Variants in LAMA2 observed in about 807,000 individuals in gnomAD.
LAMA2 encodes the protein laminin subunit alpha 2.
In LAMA2, 269 loss-of-function variants were observed where a neutral mutation model predicts 364.8. The ratio of observed to expected loss-of-function variants is 0.74; its 90% CI spans 0.67 to 0.82. LAMA2 has a LOEUF of 0.82. Ranked by LOEUF, LAMA2 falls within the 40% of genes least tolerant of loss-of-function variation. The probability of loss-of-function intolerance (pLI) is 0.00; values close to 1 mark genes in which losing one functional copy is unlikely to be tolerated. For synonymous variants in LAMA2, 1,379 were observed against 1,370.6 expected (o/e 1.01, Z -0.14); for missense variants, 3,807 against 3,873.2 (o/e 0.98, Z 0.45).
At chr6:129,055,769 A>G (rs1639435156) in intron 2 of LAMA2, among the ~76,000 whole-genome samples, 2 of 152,230 alleles carry the variant, frequency 1.3e-5, no homozygotes, top group African/African-American at 2.4e-5. Flanking sequence ...AAAAGCTAGC[A>G]GTTTGAAAGG....
chr6:129,208,571 A>G (rs1353094712), intron 12 of LAMA2, among the ~76,000 whole-genome samples: 5 of 151,332 alleles, frequency 3.3e-5, no homozygotes. Flanking sequence ...AAAGAGAAAG[A>G]AAGAGAAAGA....
intron 12 of LAMA2, among the ~76,000 whole-genome samples, chr6:129,241,097 A>G (rs147797010): frequency 6.6e-6 from 1 of 152,232 alleles, no homozygotes; most frequent in Admixed American, 6.5e-5. Context: ...CAATAAAGAC[A>G]TATTTTAATG....
chr6:129,366,194 A>G (rs1483272446), intron 32 of LAMA2, 25 bp from the exon 33 acceptor site: 1 of 1,611,526 alleles, frequency 6.2e-7, no homozygotes, highest in Non-Finnish European at 8.5e-7. Flanking sequence ...AGAAGTAACT[A>G]CTCTTTGTCA....
chr6:128,923,068 A>G (rs1270540047), intron 1 of LAMA2, among the ~76,000 whole-genome samples: 1 of 146,856 alleles, frequency 6.8e-6, no homozygotes, highest in African/African-American at 2.5e-5. Flanking sequence ...ATTGATCTAT[A>G]TCTCTGTTTT....
chr6:128,961,318 G>GATATATATATATATAT lies in LAMA2; in HGVS notation c.112+77996_112+78011dup, dbSNP rs58772123. On this transcript the variant is annotated intron_variant, in intron 1 of 64. Transcript: ENST00000421865. ...TTCTGTAGAGGGACAGAACTAATATGATATATATATATATATATATATATA... is the reference window on the plus strand; with the variant it reads ...TTCTGTAGAGGGACAGAACTAATATGATATATATATATATATATATATATATATATATATATATATA... Among the ~76,000 whole-genome samples the GATATATATATATATAT allele has an allele frequency of 2.2e-4, 13 of 57,804 alleles. 2 individuals are homozygous for GATATATATATATATAT. The highest frequency in any genetic ancestry group is 3.3e-4 in the Non-Finnish European group (9 of 26,970). The allele number at this position is 57,804 out of a possible 152,430, so 37.9% of individuals were successfully genotyped here.
chr6:128,909,449 G>A (rs1777738261), intron 1 of LAMA2, among the ~76,000 whole-genome samples: 1 of 151,052 alleles, frequency 6.6e-6, no homozygotes, highest in South Asian at 2.1e-4. Context: ...TCAGAGACTA[G>A]GATTGCAACC....
intron 12 of LAMA2, among the ~76,000 whole-genome samples, chr6:129,196,962 G>A (rs1219219174): frequency 6.6e-6 from 1 of 152,096 alleles, no homozygotes; most frequent in Non-Finnish European, 1.5e-5. Context: ...ATCATGGGAA[G>A]GGACGATTAC....
chr6:129,157,641 C>T, intron 8 of LAMA2: 2 of 1,612,238 alleles, frequency 1.2e-6, no homozygotes, highest in South Asian at 1.1e-5. Context: ...CAAAACTGCT[C>T]GTAGACATTC....
intron 12 of LAMA2, among the ~76,000 whole-genome samples, chr6:129,244,019 T>A (rs917162106): frequency 6.6e-6 from 1 of 152,056 alleles, no homozygotes; most frequent in Non-Finnish European, 1.5e-5. Flanking sequence ...CCTCGAGGTT[T>A]TTTATTTATA....
Position 129,081,126 on chromosome 6 carries a change from A to G in LAMA2, c.397-17047A>G, listed in dbSNP as rs549767469. Reference sequence around the variant, plus strand: ...GATGAAGCTGGAAACCATCATTCTCAGCAAACTATAGCAAGGACAGGAAAC... The same window carrying G: ...GATGAAGCTGGAAACCATCATTCTCGGCAAACTATAGCAAGGACAGGAAAC... On this transcript the variant is annotated intron_variant, in intron 3 of 64. Transcript: ENST00000421865. Among the ~76,000 whole-genome samples the G allele has an allele frequency of 2.4e-4, 37 of 152,278 alleles. No individual in the cohort carries two copies. The South Asian group carries it at 7.7e-3, about 32-fold the overall frequency.
chr6:129,190,782 T>G (rs965470610), intron 11 of LAMA2, among the ~76,000 whole-genome samples: 4 of 152,252 alleles, frequency 2.6e-5, no homozygotes, highest in Non-Finnish European at 4.4e-5. Context: ...TATTTGATGT[T>G]GCCTAGGCTC....
At chr6:129,395,248 A>G (rs1779547464) in intron 37 of LAMA2, among the ~76,000 whole-genome samples, 1 of 152,226 alleles carries the variant, frequency 6.6e-6, no homozygotes, top group African/African-American at 2.4e-5. Flanking sequence ...TGCATTTTAA[A>G]TAAATAACTC....
intron 1 of LAMA2, among the ~76,000 whole-genome samples, chr6:128,923,152 A>G (rs1778847898): frequency 6.9e-6 from 1 of 144,070 alleles, no homozygotes; most frequent in South Asian, 2.3e-4. Context: ...TGATGCCTCC[A>G]GCTTTGTTCT....
At chr6:128,943,186 G>A (rs746051721) in intron 1 of LAMA2, among the ~76,000 whole-genome samples, 3 of 151,370 alleles carry the variant, frequency 2.0e-5, no homozygotes, top group Non-Finnish European at 4.4e-5. Context: ...AAACACATAC[G>A]CACAAGAAGA....
intron 45 of LAMA2, among the ~76,000 whole-genome samples, chr6:129,452,519 G>C (rs1409073256): frequency 3.3e-5 from 5 of 152,112 alleles, no homozygotes; most frequent in Admixed American, 1.3e-4. Context: ...TCAACTGTAA[G>C]AGTATAGGAG....
intron 1 of LAMA2, among the ~76,000 whole-genome samples, chr6:128,976,906 T>C (rs1353773680): frequency 4.6e-5 from 7 of 152,142 alleles, no homozygotes; most frequent in Non-Finnish European, 8.8e-5. Context: ...AGGTTACTGT[T>C]CCTGTCTTCT....
rs367649718 is a variant in LAMA2, at chr6:129,154,583, G to A, written c.1106G>A (p.Arg369His). 5.4e-5 allele frequency: 87 copies of A among 1,613,644 alleles called. No individual in the cohort carries two copies. The highest frequency in any genetic ancestry group is 4.9e-4 in the South Asian group (45 of 91,090). Reference sequence around the variant, plus strand: ...AGAAGAAATCTGAGTTTGAATATACGTGGAAAGTACATTGGAGGGGGTGTC... The same window carrying A: ...AGAAGAAATCTGAGTTTGAATATACATGGAAAGTACATTGGAGGGGGTGTC... ...VARRNLSLNIRGKYIGGGVCI... is the reference protein window; with the variant it reads ...VARRNLSLNIHGKYIGGGVCI... Residue 369 changes from arginine (R) to histidine (H), a missense_variant, in exon 8 of 65, where the codon CGT (arginine) becomes CAT (histidine). This residue lies in a region of LAMA2 where 80 missense variants were observed against 124.0 expected (regional missense o/e 0.65). Coordinates refer to ENST00000421865, the MANE Select transcript of LAMA2 (RefSeq NM_000426.4).
chr6:129,399,561 T>A (rs1779847047), intron 37 of LAMA2, among the ~76,000 whole-genome samples: 1 of 152,232 alleles, frequency 6.6e-6, no homozygotes. Context: ...CCAGAAGGGC[T>A]GTCACTTGGA....
intron 1 of LAMA2, among the ~76,000 whole-genome samples, chr6:128,895,554 A>G (rs1024851353): frequency 1.4e-4 from 21 of 151,326 alleles, no homozygotes; most frequent in Admixed American, 8.6e-4. Context: ...AGGCTGAGGC[A>G]GGAGAATGGC....
Sources: allele counts gnomAD v4.1 joint callset (sites outside exome capture counted in the v4.1 genomes callset), GRCh38; gene constraint gnomAD v4.1.1; regional missense constraint gnomAD v4.1.1; transcripts MANE v1.5; gene names NCBI Gene and HGNC (gene_info 2026-07-23, HGNC 2026-07-21).